Variants in SIPA1L1 observed in about 807,000 individuals in gnomAD.
SIPA1L1 encodes signal induced proliferation associated 1 like 1.
Under a neutral mutation model 162.7 loss-of-function variants are expected in SIPA1L1, and 26 were observed. The ratio of observed to expected loss-of-function variants is 0.16; its 90% CI spans 0.12 to 0.22. SIPA1L1 has a LOEUF of 0.22. Ranked by LOEUF, SIPA1L1 falls within the 10% of genes least tolerant of loss-of-function variation. The pLI, the probability that SIPA1L1 is intolerant of heterozygous loss-of-function variation, is 1.00. For synonymous variants in SIPA1L1, 829 were observed against 837.4 expected (o/e 0.99, Z 0.17); for missense variants, 1,874 against 2,241.0 (o/e 0.84, Z 3.31).
chr14:71,500,353 AAAG>A (rs1225883748), intron 2 of SIPA1L1, among the ~76,000 whole-genome samples: 3 of 152,210 alleles, frequency 2.0e-5, no homozygotes, highest in East Asian at 3.8e-4. Context: ...GCAATTCACA[AAAG>A]AAGATGCTCA....
intron 4 of SIPA1L1, among the ~76,000 whole-genome samples, chr14:71,568,019 G>A: frequency 6.6e-6 from 1 of 152,212 alleles, no homozygotes; most frequent in Admixed American, 6.5e-5. Flanking sequence ...ACAACCAGAG[G>A]TCACTTTGAT....
chr14:71,470,520 A>C (rs1367483946), intron 2 of SIPA1L1, among the ~76,000 whole-genome samples: 1 of 152,208 alleles, frequency 6.6e-6, no homozygotes, highest in African/African-American at 2.4e-5. Flanking sequence ...AATTTAATCC[A>C]GTTTTCCAAC....
rs1278065224 is a variant in SIPA1L1 at position 71,721,347 on chromosome 14, C to T, written c.4209-2300C>T. 3.3e-5 allele frequency among the ~76,000 whole-genome samples: 5 copies of T among 152,184 alleles called. No individual in the cohort carries two copies. The South Asian group carries it at 6.2e-4, about 19-fold the overall frequency. On this transcript the variant is annotated intron_variant, in intron 17 of 23. Transcript: ENST00000381232. ...AGTTGGGGAAGGTGATTCAAGCACTCCCATGGCCACCACAGCTGGCACTGC... is the reference window on the plus strand; with the variant it reads ...AGTTGGGGAAGGTGATTCAAGCACTTCCATGGCCACCACAGCTGGCACTGC...
At chr14:71,705,955 G>A (rs976674677) in intron 16 of SIPA1L1, among the ~76,000 whole-genome samples, 2 of 151,798 alleles carry the variant, frequency 1.3e-5, no homozygotes, top group African/African-American at 4.8e-5. Context: ...CTATTGGGAC[G>A]GGACGCCCTC....
At chr14:71,573,284 A>T (rs2032419796) in intron 4 of SIPA1L1, among the ~76,000 whole-genome samples, 1 of 152,274 alleles carries the variant, frequency 6.6e-6, no homozygotes, top group South Asian at 2.1e-4. Flanking sequence ...CAGATTGTAA[A>T]ATCACGTCTC....
chr14:71,679,399 C>T (rs1169614216), intron 12 of SIPA1L1, among the ~76,000 whole-genome samples: 1 of 152,136 alleles, frequency 6.6e-6, no homozygotes, highest in Non-Finnish European at 1.5e-5. Flanking sequence ...GATTTTGTCA[C>T]CACCAGGCCT....
At chr14:71,697,737 A>C (rs1215491326) in intron 13 of SIPA1L1, among the ~76,000 whole-genome samples, 1 of 152,182 alleles carries the variant, frequency 6.6e-6, no homozygotes, top group Non-Finnish European at 1.5e-5. Flanking sequence ...CTCTATTAGC[A>C]AAGCTTCTCA....
intron 10 of SIPA1L1, among the ~76,000 whole-genome samples, chr14:71,668,325 T>G (rs2044211060): frequency 6.6e-6 from 1 of 152,190 alleles, no homozygotes; most frequent in Non-Finnish European, 1.5e-5. Context: ...CTCTCTTGGC[T>G]GTCCAGAAGC....
rs1076288 is a variant in SIPA1L1, at chr14:71,485,351, T to A, written c.-464-27392T>A. Among the ~76,000 whole-genome samples, 413 of 152,260 alleles carry A rather than the reference T, an allele frequency of 2.7e-3. 1 individual carries two copies. Among genetic ancestry groups the A allele is most frequent in the African/African-American group, 9.0e-3 (375 of 41,556 alleles). ...GGGAACTGGGCTGCGTAGCAGGAGG[T>A]GAGCAGTGAGCAGGCAAGTGAAGCT... On this transcript the variant is annotated intron_variant, in intron 2 of 23. Coordinates refer to ENST00000381232, the MANE Select transcript of SIPA1L1 (RefSeq NM_001386936.1).
chr14:71,367,325 G>A (rs1458058664), intron 2 of SIPA1L1, among the ~76,000 whole-genome samples: 1 of 126,862 alleles, frequency 7.9e-6, no homozygotes, highest in Non-Finnish European at 1.6e-5. Context: ...TTTTTTTCCC[G>A]ATATGGAGTC....
intron 2 of SIPA1L1, among the ~76,000 whole-genome samples, chr14:71,328,532 A>G (rs181648646): frequency 1.5e-4 from 23 of 152,352 alleles, no homozygotes; most frequent in Middle Eastern, 3.4e-3. Flanking sequence ...CTTGACAATA[A>G]GGTAAATAAG....
At chr14:71,412,248 T>G (rs2042457522) in intron 2 of SIPA1L1, among the ~76,000 whole-genome samples, 1 of 152,194 alleles carries the variant, frequency 6.6e-6, no homozygotes, top group African/African-American at 2.4e-5. Flanking sequence ...ACAGGATGGC[T>G]TTGAATGCAG....
intron 3 of SIPA1L1, among the ~76,000 whole-genome samples, chr14:71,521,596 A>G (rs550908801): frequency 3.7e-4 from 56 of 152,342 alleles, no homozygotes; most frequent in African/African-American, 1.3e-3. Context: ...AAATGCTAAG[A>G]TGCCATATTT....
At chr14:71,427,868 A>G (rs1404969050) in intron 2 of SIPA1L1, among the ~76,000 whole-genome samples, 1 of 151,816 alleles carries the variant, frequency 6.6e-6, no homozygotes, top group Non-Finnish European at 1.5e-5. Context: ...GTTTTTGTCT[A>G]GTAAATCTGC....
chr14:71,540,506 C>CCGCA (rs1453739566), intron 4 of SIPA1L1, among the ~76,000 whole-genome samples: 6 of 151,936 alleles, frequency 3.9e-5, no homozygotes, highest in African/African-American at 1.5e-4. Context: ...TATAGCAAGA[C>CCGCA]CGCATCTCTA....
At chr14:71,358,966 C>T (rs888909361) in intron 2 of SIPA1L1, among the ~76,000 whole-genome samples, 1 of 152,160 alleles carries the variant, frequency 6.6e-6, no homozygotes, top group Non-Finnish European at 1.5e-5. Context: ...GGCCCCACCT[C>T]TAACACTGGG....
chr14:71,335,053 C>T (rs776080731), intron 2 of SIPA1L1, among the ~76,000 whole-genome samples: 3 of 152,148 alleles, frequency 2.0e-5, no homozygotes, highest in Non-Finnish European at 2.9e-5. Context: ...TAATCCCAAG[C>T]GCTTTGGGAG....
At chr14:71,585,698 A>G (rs2147465072) in intron 4 of SIPA1L1, among the ~76,000 whole-genome samples, 1 of 152,320 alleles carries the variant, frequency 6.6e-6, no homozygotes. Flanking sequence ...GGAATGAAAG[A>G]TGATTTATTT....
At chr14:71,701,509 C>G (rs541459434) in intron 14 of SIPA1L1, among the ~76,000 whole-genome samples, 3 of 152,118 alleles carry the variant, frequency 2.0e-5, no homozygotes, top group Admixed American at 1.3e-4. Context: ...AGCCACTGCT[C>G]CTGGCCCCTA....
Sources: gnomAD v4.1 joint callset for allele counts (sites outside exome capture counted in the v4.1 genomes callset) on GRCh38, gnomAD v4.1.1 for gene constraint, MANE v1.5 for transcripts, NCBI Gene and HGNC (gene_info 2026-07-23, HGNC 2026-07-21) for gene names.